MYZAP: variants seen among roughly 807,000 people sequenced by gnomAD.
The protein encoded by MYZAP is GRINL1A complex locus upstream.
In MYZAP, 66 loss-of-function variants were observed where a neutral mutation model predicts 69.4. That is an observed-to-expected ratio of 0.95 (90% CI 0.78 to 1.17). The LOEUF (loss-of-function observed/expected upper bound fraction) is 1.17. Ranked by LOEUF, MYZAP falls within the 50% of genes most tolerant of loss-of-function variation. The pLI is 0.00. For synonymous variants in MYZAP, 256 were observed against 205.9 expected, an observed-to-expected ratio of 1.24 and a Z score of -2.09; for missense variants, 611 against 556.2, an observed-to-expected ratio of 1.10 and a Z score of -0.99.
chr15:57,629,591 CT>C, intron 5 of MYZAP, 110 bp from the exon 6 acceptor site: 1 of 1,427,068 alleles, frequency 7.0e-7, no homozygotes, highest in Non-Finnish European at 9.3e-7. Flanking sequence ...TTGCTGTAGC[CT>C]AGGACAGCTA....
chr15:57,616,594 C>T (rs1435536576), intron 2 of MYZAP, among the ~76,000 whole-genome samples: 5 of 152,008 alleles, frequency 3.3e-5, no homozygotes, highest in African/African-American at 1.2e-4. Context: ...CAAGATTGCG[C>T]CGCTGCTCTC....
At chr15:57,669,184 A>G (rs2038754340) in intron 11 of MYZAP, among the ~76,000 whole-genome samples, 1 of 152,042 alleles carries the variant, frequency 6.6e-6, no homozygotes, top group Admixed American at 6.6e-5. Flanking sequence ...CCACCATGCC[A>G]GGCCCTGTTG....
At chr15:57,666,348 G>C (rs2038568625) in intron 11 of MYZAP, among the ~76,000 whole-genome samples, 1 of 152,170 alleles carries the variant, frequency 6.6e-6, no homozygotes, top group Non-Finnish European at 1.5e-5. Flanking sequence ...CGGAGAAAAG[G>C]ACAGGCCCTT....
In MYZAP at chr15:57,649,805, C is replaced by T. The variant is rs150032153; in HGVS notation, c.1119+10260C>T. ...TTGTTCATCTTTAGGTCTTCAATTA[C>T]AACCTGCACATCCATCCCCTCTATC... On this transcript the variant is annotated intron_variant, in intron 10 of 12. Transcript: ENST00000267853. 2.8e-3 allele frequency among the ~76,000 whole-genome samples: 430 copies of T among 152,300 alleles called. 1 individual carries two copies. The highest frequency in any genetic ancestry group is 9.2e-3 in the African/African-American group (381 of 41,574).
At chr15:57,596,017 A>G (rs1325599829) in intron 1 of MYZAP, among the ~76,000 whole-genome samples, 4 of 152,212 alleles carry the variant, frequency 2.6e-5, no homozygotes, top group Non-Finnish European at 5.9e-5. Context: ...TGATGGTTGT[A>G]GGCTCAGAAA....
At chr15:57,599,229 A>G in intron 1 of MYZAP, among the ~76,000 whole-genome samples, 1 of 152,132 alleles carries the variant, frequency 6.6e-6, no homozygotes, top group East Asian at 1.9e-4. Flanking sequence ...CAGGAAGTAC[A>G]TTTCCACTAT....
At chr15:57,670,153 C>T (rs1163504610) in intron 11 of MYZAP, among the ~76,000 whole-genome samples, 1 of 151,980 alleles carries the variant, frequency 6.6e-6, no homozygotes, top group African/African-American at 2.4e-5. Flanking sequence ...AGATAACTGA[C>T]ATTTTTCTTG....
intron 10 of MYZAP, among the ~76,000 whole-genome samples, chr15:57,651,985 C>T (rs575473736): frequency 6.6e-5 from 10 of 152,164 alleles, no homozygotes; most frequent in African/African-American, 2.2e-4. Context: ...CCGTTGCAAC[C>T]GATCCTTTTG....
intron 2 of MYZAP, among the ~76,000 whole-genome samples, chr15:57,610,431 G>C (rs1399452576): frequency 6.6e-6 from 1 of 152,172 alleles, no homozygotes; most frequent in African/African-American, 2.4e-5. Flanking sequence ...CCATGATTCA[G>C]AGCTTCAGGT....
Position 57,685,300 on chromosome 15 carries a change from T to A in MYZAP, c.*802T>A, listed in dbSNP as rs990533562. The stretch of plus-strand genomic sequence containing the variant: ...GAATGAATCATCTGTTCATGCATGC[T>A]CTACTTTGATATTATAACCTATGTC... On this transcript the variant is annotated 3_prime_UTR_variant, in exon 13 of 13. Transcript: ENST00000267853. 1.3e-5 allele frequency: 2 copies of A among 152,238 alleles called. No homozygotes were observed. Among genetic ancestry groups the A allele is most frequent in the African/African-American group, 4.8e-5 (2 of 41,462 alleles). The allele number at this position is 152,238 out of a possible 1,614,324, so 9.4% of individuals were successfully genotyped here.
chr15:57,671,800 G>C (rs2899603), intron 11 of MYZAP, among the ~76,000 whole-genome samples: 133,170 of 152,056 alleles, frequency 0.88, 60,223 homozygotes, highest in Non-Finnish European at 0.98. Flanking sequence ...TTGTCTGACT[G>C]ATCATTGTTA....
chr15:57,609,500 T>C (rs180721128), intron 2 of MYZAP, among the ~76,000 whole-genome samples: 8 of 152,316 alleles, frequency 5.3e-5, no homozygotes, highest in Admixed American at 3.3e-4. Context: ...TTTTCCCCTT[T>C]TTATAGGGAC....
chr15:57,665,685 T>C (rs2038533595), intron 11 of MYZAP, among the ~76,000 whole-genome samples: 1 of 152,198 alleles, frequency 6.6e-6, no homozygotes, highest in Non-Finnish European at 1.5e-5. Flanking sequence ...TACTGGTTAA[T>C]GAAAGCGGAA....
intron 11 of MYZAP, among the ~76,000 whole-genome samples, chr15:57,666,978 G>T (rs2038605691): frequency 6.6e-6 from 1 of 151,886 alleles, no homozygotes; most frequent in Non-Finnish European, 1.5e-5. Flanking sequence ...AACATTGCAA[G>T]CATTTATCTT....
At position 57,669,098 on chromosome 15, in the gene MYZAP, G is replaced by A. The variant is rs143327694; in HGVS notation, c.1204-5870G>A. 9.5e-4 allele frequency among the ~76,000 whole-genome samples: 144 copies of A among 151,852 alleles called. 2 individuals carry two copies. In the East Asian group the frequency reaches 0.024, roughly 25 times the overall value. ...TAGAGATGGTTTCACCACGTTGCCCGGGCTGGTCTCGAACTCCTGAGCTCA... is the reference window on the plus strand; with the variant it reads ...TAGAGATGGTTTCACCACGTTGCCCAGGCTGGTCTCGAACTCCTGAGCTCA... On this transcript the variant is annotated intron_variant, in intron 11 of 12. Transcript: ENST00000267853.
intron 10 of MYZAP, chr15:57,647,308 C>G (rs1483864742): frequency 1.0e-6 from 1 of 985,256 alleles, no homozygotes; most frequent in Non-Finnish European, 1.2e-6. Flanking sequence ...TCCCCAGATA[C>G]GATGCTGGGT....
intron 11 of MYZAP, among the ~76,000 whole-genome samples, chr15:57,671,352 A>T (rs930157446): frequency 6.6e-6 from 1 of 152,084 alleles, no homozygotes; most frequent in African/African-American, 2.4e-5. Flanking sequence ...CAGAAGTTTG[A>T]CTGTAATGTG....
At chr15:57,678,580 T>C (rs1305426272) in intron 12 of MYZAP, among the ~76,000 whole-genome samples, 5 of 152,176 alleles carry the variant, frequency 3.3e-5, no homozygotes, top group African/African-American at 4.8e-5. Context: ...ATGAAATGGA[T>C]TGATAGCCTG....
At chr15:57,634,873 A>G (rs1475701199) in intron 8 of MYZAP, among the ~76,000 whole-genome samples, 1 of 152,226 alleles carries the variant, frequency 6.6e-6, no homozygotes, top group Non-Finnish European at 1.5e-5. Flanking sequence ...AGTATTGACC[A>G]GAGGGGGTGG....
Sources: gnomAD v4.1 joint callset for allele counts (sites outside exome capture counted in the v4.1 genomes callset) on GRCh38, gnomAD v4.1.1 for gene constraint, MANE v1.5 for transcripts, NCBI Gene and HGNC (gene_info 2026-07-23, HGNC 2026-07-21) for gene names.